Variants in TENM2 observed in about 807,000 individuals in gnomAD.
TENM2 encodes the protein teneurin-2.
TENM2 carries 52 observed loss-of-function variants against 245.2 expected under a neutral mutation model. The ratio of observed to expected loss-of-function variants is 0.21; its 90% CI spans 0.17 to 0.27. The LOEUF is 0.27. Among genes scored for constraint, TENM2 ranks in the 10% least tolerant of loss-of-function variants. TENM2 has a pLI of 1.00. For missense variants in TENM2, 3,046 were observed against 3,666.8 expected (o/e 0.83, Z 4.37); for synonymous variants, 1,363 against 1,438.9 (o/e 0.95, Z 1.19).
intron 2 of TENM2, among the ~76,000 whole-genome samples, chr5:167,466,498 G>A (rs7725953): frequency 1.3e-5 from 2 of 151,972 alleles, no homozygotes; most frequent in African/African-American, 4.8e-5. Flanking sequence ...TACTGTTTTC[G>A]AGGTTTCTCA....
intron 3 of TENM2, among the ~76,000 whole-genome samples, chr5:167,907,192 G>A (rs1159818526): frequency 7.9e-5 from 12 of 151,752 alleles, no homozygotes; most frequent in Non-Finnish European, 1.5e-4. Context: ...AGATCGCACC[G>A]TTGCACTCCA....
chr5:167,942,137 G>A (rs184347345), intron 3 of TENM2, among the ~76,000 whole-genome samples: 40 of 150,618 alleles, frequency 2.7e-4, no homozygotes, highest in Non-Finnish European at 4.9e-4. Context: ...GAACCTGGGA[G>A]GCAGAGGTTG....
chr5:167,249,438 C>G, the TENM2 span, among the ~76,000 whole-genome samples: 1 of 151,998 alleles, frequency 6.6e-6, no homozygotes, highest in African/African-American at 2.4e-5. Flanking sequence ...TTCTTCTTTC[C>G]TTCTTTCCTT....
chr5:167,252,519 C>T, the TENM2 span, among the ~76,000 whole-genome samples: 2 of 152,122 alleles, frequency 1.3e-5, no homozygotes, highest in African/African-American at 2.4e-5. Flanking sequence ...AGGTTATCTG[C>T]ATTTTGGCCA....
At chr5:168,116,032 T>A (rs1562178056) in intron 9 of TENM2, among the ~76,000 whole-genome samples, 1 of 152,162 alleles carries the variant, frequency 6.6e-6, no homozygotes, top group Non-Finnish European at 1.5e-5. Flanking sequence ...TAAATCCCTC[T>A]CAAAACTTTA....
chr5:167,005,459 T>C, the TENM2 span, among the ~76,000 whole-genome samples: 7 of 152,254 alleles, frequency 4.6e-5, no homozygotes, highest in Non-Finnish European at 7.4e-5. Flanking sequence ...CTTTCAAAAA[T>C]ATGGCTTCCT....
chr5:168,049,460 C>T (rs1788888986), intron 6 of TENM2, among the ~76,000 whole-genome samples: 2 of 152,160 alleles, frequency 1.3e-5, no homozygotes, highest in South Asian at 4.1e-4. Context: ...CAATGCTTTT[C>T]GAGTAGTGTC....
At chr5:167,459,561 A>T (rs1766151252) in intron 2 of TENM2, among the ~76,000 whole-genome samples, 1 of 152,200 alleles carries the variant, frequency 6.6e-6, no homozygotes, top group Non-Finnish European at 1.5e-5. Flanking sequence ...TGAGGATAAT[A>T]ATATGTTTAA....
At chr5:167,655,518 G>C (rs551934747) in intron 2 of TENM2, among the ~76,000 whole-genome samples, 1 of 152,170 alleles carries the variant, frequency 6.6e-6, no homozygotes, top group Non-Finnish European at 1.5e-5. Flanking sequence ...GGCTTCAACT[G>C]TGCTACTTAC....
In TENM2 at chr5:167,466,464, A is replaced by G. The variant is rs115658891; in HGVS notation, c.502+90991A>G. Among the ~76,000 whole-genome samples the G allele has an allele frequency of 4.0e-3, 607 of 152,348 alleles. 5 individuals are homozygous for G. Among genetic ancestry groups the G allele is most frequent in the African/African-American group, 0.014 (570 of 41,582 alleles). On this transcript the variant is annotated intron_variant, in intron 2 of 28. Transcript: ENST00000518659. Reference sequence around the variant, plus strand: ...AAAATCTACATGTGTCTCAATGCATACAATGAAACAAATTTATGTGTGCTA... The same window carrying G: ...AAAATCTACATGTGTCTCAATGCATGCAATGAAACAAATTTATGTGTGCTA...
In TENM2 at chr5:168,118,244, C is replaced by T. The variant is rs771089623; in HGVS notation, c.1814-48C>T. 1.3e-5 allele frequency: 18 copies of T among 1,429,688 alleles called. No homozygotes were observed. In the Admixed American group the frequency reaches 2.9e-4, roughly 23 times the overall value. 88.6% of individuals were successfully genotyped at this position (1,429,688 alleles called of 1,614,324 possible). A position where few individuals can be genotyped will look rare whatever the true frequency, so the allele number is the denominator to read the frequency against. ...ACCTCCTTAGACTGCCATAGCCCCT[C>T]GGATGCTGGCCCTTCGTGACCTAGT... is the stretch of plus-strand genomic sequence containing the variant. On this transcript the variant is annotated intron_variant, in intron 9 of 28. Coordinates refer to ENST00000518659, the Ensembl canonical transcript of TENM2.
In TENM2 at chr5:167,892,467, A is replaced by G. The variant is rs976073365; in HGVS notation, c.712+16272A>G. On this transcript the variant is annotated intron_variant, in intron 3 of 28. Transcript: ENST00000518659. ...CTCTTGGGTGGAGAACCAAAAATGT[A>G]GCACTCTTCATTGTCAAGGTGTATA... Among the ~76,000 whole-genome samples the G allele has an allele frequency of 3.3e-5, 5 of 152,242 alleles. No homozygotes were observed. The South Asian group carries it at 1.0e-3, about 31-fold the overall frequency.
intron 15 of TENM2, among the ~76,000 whole-genome samples, chr5:168,197,206 T>A (rs1399401515): frequency 2.0e-5 from 3 of 152,262 alleles, no homozygotes; most frequent in Non-Finnish European, 4.4e-5. Flanking sequence ...TATTGTACTG[T>A]ACATGCTCTG....
chr5:168,125,194 C>A (rs1425456671), intron 11 of TENM2, 144 bp downstream of exon 13: 2 of 749,282 alleles, frequency 2.7e-6, no homozygotes, highest in Non-Finnish European at 4.3e-6. Flanking sequence ...TTCTCATTCT[C>A]TTCTCCTCAA....
chr5:167,328,156 A>G (rs1172136183), intron 1 of TENM2, among the ~76,000 whole-genome samples: 1 of 132,390 alleles, frequency 7.6e-6, no homozygotes, highest in Admixed American at 7.6e-5. Flanking sequence ...CAGTTTTCTT[A>G]TTTCTCTGCT....
intron 1 of TENM2, among the ~76,000 whole-genome samples, chr5:167,354,004 T>G (rs1277674129): frequency 1.3e-5 from 2 of 152,176 alleles, no homozygotes; most frequent in African/African-American, 2.4e-5. Context: ...GAAAGAAACA[T>G]AGAATAAAGT....
At chr5:167,973,397 A>G (rs920123411) in intron 4 of TENM2, among the ~76,000 whole-genome samples, 2 of 152,218 alleles carry the variant, frequency 1.3e-5, no homozygotes, top group Non-Finnish European at 2.9e-5. Flanking sequence ...TAATTCAGCC[A>G]ACATTTGTAG....
chr5:167,625,063 A>G (rs1187132186), intron 2 of TENM2, among the ~76,000 whole-genome samples: 1 of 152,016 alleles, frequency 6.6e-6, no homozygotes, highest in African/African-American at 2.4e-5. Context: ...ACTTCCTTAA[A>G]TCATGGCTGT....
At chr5:167,129,855 G>A in the TENM2 span, among the ~76,000 whole-genome samples, 1 of 152,156 alleles carries the variant, frequency 6.6e-6, no homozygotes, top group Non-Finnish European at 1.5e-5. Context: ...ATTAGGCTTT[G>A]ATTATGCATC....
Sources: gnomAD v4.1 joint callset for allele counts (sites outside exome capture counted in the v4.1 genomes callset) on GRCh38, gnomAD v4.1.1 for gene constraint, MANE v1.5 for transcripts, NCBI Gene and HGNC (gene_info 2026-07-23, HGNC 2026-07-21) for gene names.